KCNQ3: variants seen among roughly 807,000 people sequenced by gnomAD.
KCNQ3 encodes the protein potassium voltage-gated channel subfamily KQT member 3.
A neutral mutation model predicts 92.5 loss-of-function variants in KCNQ3; 30 were observed. The observed-to-expected ratio is 0.32, with a 90% CI of 0.24 to 0.44. The LOEUF is 0.44. Among genes scored for constraint, KCNQ3 ranks in the 20% least tolerant of loss-of-function variants. The probability of loss-of-function intolerance (pLI) is 1.00; values close to 1 mark genes in which losing one functional copy is unlikely to be tolerated. For missense variants in KCNQ3, 913 were observed against 1,140.3 expected, an observed-to-expected ratio of 0.80 and a Z score of 2.87; for synonymous variants, 450 against 468.8, an observed-to-expected ratio of 0.96 and a Z score of 0.52.
intron 1 of KCNQ3, among the ~76,000 whole-genome samples, chr8:132,212,458 T>C (rs1024390795): frequency 1.3e-5 from 2 of 152,066 alleles, no homozygotes; most frequent in African/African-American, 4.8e-5. Context: ...TCTCTATTCT[T>C]TTTCAGAATC....
At chr8:132,195,638 T>C (rs1353298878) in intron 1 of KCNQ3, among the ~76,000 whole-genome samples, 1 of 152,208 alleles carries the variant, frequency 6.6e-6, no homozygotes, top group Non-Finnish European at 1.5e-5. Flanking sequence ...AATACAGCTA[T>C]GGGCTCCTCA....
intron 1 of KCNQ3, among the ~76,000 whole-genome samples, chr8:132,323,701 T>A (rs1817959294): frequency 6.6e-6 from 1 of 152,192 alleles, no homozygotes; most frequent in South Asian, 2.1e-4. Context: ...TTCTACTATC[T>A]GTCACCTTTT....
chr8:132,133,780 AG>A (rs1318560468), intron 13 of KCNQ3, among the ~76,000 whole-genome samples: 1 of 152,218 alleles, frequency 6.6e-6, no homozygotes, highest in Non-Finnish European at 1.5e-5. Context: ...GACTTTCTAA[AG>A]AACATCTTAT....
chr8:132,185,011 C>A (rs1044534987), intron 2 of KCNQ3, among the ~76,000 whole-genome samples: 4 of 152,244 alleles, frequency 2.6e-5, no homozygotes, highest in African/African-American at 9.6e-5. Context: ...CCTCCTGCAA[C>A]TCCCTTGATG....
intron 6 of KCNQ3, among the ~76,000 whole-genome samples, chr8:132,173,921 AG>A (rs1826463700): frequency 6.6e-6 from 1 of 152,362 alleles, no homozygotes; most frequent in Middle Eastern, 3.4e-3. Flanking sequence ...CCTCTGGGGA[AG>A]GCAGATCTAG....
intron 1 of KCNQ3, among the ~76,000 whole-genome samples, chr8:132,431,636 G>A (rs998195858): frequency 6.6e-6 from 1 of 152,220 alleles, no homozygotes; most frequent in South Asian, 2.1e-4. Flanking sequence ...TGTGGTTGGT[G>A]TGGTCCTTAC....
chr8:132,316,841 T>C (rs1563856027), intron 1 of KCNQ3, among the ~76,000 whole-genome samples: 1 of 152,242 alleles, frequency 6.6e-6, no homozygotes, highest in Non-Finnish European at 1.5e-5. Context: ...CTGGCAATAA[T>C]GGACTTATCA....
rs977734572 is a variant in KCNQ3, at chr8:132,122,647, G to A, written c.*6615C>T. 6.6e-6 allele frequency: 1 copy of A among 152,096 alleles called. No homozygotes were observed. Among genetic ancestry groups the A allele is most frequent in the African/African-American group, 2.4e-5 (1 of 41,388 alleles). 9.4% of individuals were successfully genotyped at this position (152,096 alleles called of 1,614,324 possible). Reference sequence around the variant, plus strand: ...GAATGACAATCTTTAAAATTACTGGGCCAACTATTGTTGTTCTAGAACTTG... The same window carrying A: ...GAATGACAATCTTTAAAATTACTGGACCAACTATTGTTGTTCTAGAACTTG... On this transcript the variant is annotated 3_prime_UTR_variant, in exon 15 of 15. Transcript: ENST00000388996.
intron 11 of KCNQ3, 42 bp downstream of exon 11, chr8:132,140,033 CG>C: frequency 1.5e-6 from 2 of 1,318,954 alleles, no homozygotes; most frequent in Non-Finnish European, 1.1e-6. Context: ...TGAGCTGGAG[CG>C]GGGGAGGCAC....
chr8:132,159,473 G>A (rs780832868), intron 9 of KCNQ3, among the ~76,000 whole-genome samples: 6 of 152,178 alleles, frequency 3.9e-5, no homozygotes, highest in Non-Finnish European at 8.8e-5. Flanking sequence ...TCAAGGGGTA[G>A]AGATTGTCCA....
In KCNQ3 at chr8:132,129,802, C is replaced by T. The variant is rs145204452; in HGVS notation, c.2079G>A (p.Pro693=). 5.9e-5 allele frequency: 95 copies of T among 1,614,108 alleles called. No individual in the cohort carries two copies. The highest frequency in any genetic ancestry group is 4.9e-4 in the Middle Eastern group (3 of 6,062). Residue 693 remains proline, a synonymous_variant, in exon 15 of 15, where the codon CCG becomes CCA. Transcript: ENST00000388996. This position sits in a 1 kb window ranked among gnomAD's most constrained non-coding sequence, Gnocchi z 5.9. ...IICNYSETGP[P]EPPYSFHQVT... ...CCTGGTGGAAGCTGTAGGGTGGTTCCGGGGGGCCTGTCTCAGAATAGTTGC... is the reference window on the plus strand; with the variant it reads ...CCTGGTGGAAGCTGTAGGGTGGTTCTGGGGGGCCTGTCTCAGAATAGTTGC...
chr8:132,447,296 G>A, intron 1 of KCNQ3: 1 of 1,479,320 alleles, frequency 6.8e-7, no homozygotes, highest in South Asian at 1.2e-5. Flanking sequence ...CCCTAAAGCA[G>A]GGCAGAATGG....
chr8:132,238,372 T>C (rs1016440380), intron 1 of KCNQ3, among the ~76,000 whole-genome samples: 3 of 152,148 alleles, frequency 2.0e-5, no homozygotes, highest in Admixed American at 6.6e-5. Context: ...AACTGAACCA[T>C]TGGGCCCTAG....
At chr8:132,223,178 TGGAAGAAA>T (rs201667960) in intron 1 of KCNQ3, among the ~76,000 whole-genome samples, 1,560 of 151,976 alleles carry the variant, frequency 0.01, 12 homozygotes, top group Non-Finnish European at 0.016. Flanking sequence ...GAAGAAAGGA[TGGAAGAAA>T]GGAAGAAAGG....
At chr8:132,301,248 G>A (rs539380008) in intron 1 of KCNQ3, among the ~76,000 whole-genome samples, 3 of 152,012 alleles carry the variant, frequency 2.0e-5, no homozygotes, top group Non-Finnish European at 2.9e-5. Context: ...TTCACACCTC[G>A]CTCTGGCTCA....
At chr8:132,392,699 G>A (rs1480252298) in intron 1 of KCNQ3, among the ~76,000 whole-genome samples, 1 of 149,262 alleles carries the variant, frequency 6.7e-6, no homozygotes, top group Non-Finnish European at 1.5e-5. Flanking sequence ...TACTCAGGAG[G>A]CTGAGGCGGG....
At chr8:132,181,566 C>G (rs1361112122) in intron 3 of KCNQ3, among the ~76,000 whole-genome samples, 1 of 151,670 alleles carries the variant, frequency 6.6e-6, no homozygotes, top group African/African-American at 2.4e-5. Flanking sequence ...TCCAACAGTT[C>G]CAAGGAACAC....
intron 1 of KCNQ3, among the ~76,000 whole-genome samples, chr8:132,444,639 T>C (rs1413392054): frequency 4.6e-5 from 7 of 152,208 alleles, no homozygotes; most frequent in Admixed American, 1.3e-4. Context: ...AGCATAGCTC[T>C]ACAGAATGCT....
At chr8:132,470,570 A>C (rs551029476) in intron 1 of KCNQ3, among the ~76,000 whole-genome samples, 1 of 152,340 alleles carries the variant, frequency 6.6e-6, no homozygotes, top group Admixed American at 6.5e-5. Flanking sequence ...GCATCTCTTC[A>C]AAATATAGAA....
Sources: allele counts gnomAD v4.1 joint callset (sites outside exome capture counted in the v4.1 genomes callset), GRCh38; gene constraint gnomAD v4.1.1; non-coding constraint Gnocchi (gnomAD v3.1); transcripts MANE v1.5; gene names NCBI Gene and HGNC (gene_info 2026-07-23, HGNC 2026-07-21).